APBB1IP: variants seen among roughly 807,000 people sequenced by gnomAD.
APBB1IP encodes amyloid beta A4 precursor protein-binding family B member 1-interacting protein.
APBB1IP carries 27 observed loss-of-function variants against 64.9 expected under a neutral mutation model. That is an observed-to-expected ratio of 0.42 (90% CI 0.31 to 0.57). The LOEUF (loss-of-function observed/expected upper bound fraction) is 0.57. APBB1IP is among the 20% of genes least tolerant of loss of function. The probability of loss-of-function intolerance (pLI) is 0.20; values close to 1 mark genes in which losing one functional copy is unlikely to be tolerated. For synonymous variants in APBB1IP, 392 were observed against 331.0 expected (o/e 1.18, Z -2.00); for missense variants, 812 against 845.5 (o/e 0.96, Z 0.49).
At chr10:26,471,500 G>T (rs970974654) in intron 2 of APBB1IP, among the ~76,000 whole-genome samples, 3 of 152,126 alleles carry the variant, frequency 2.0e-5, no homozygotes, top group Non-Finnish European at 2.9e-5. Flanking sequence ...TGCAGGAAAA[G>T]AATTAAAACT....
chr10:26,445,188 G>T (rs1028963052), intron 2 of APBB1IP, among the ~76,000 whole-genome samples: 1 of 136,032 alleles, frequency 7.4e-6, no homozygotes, highest in Admixed American at 7.4e-5. Context: ...AAGAAAGAAA[G>T]AAAGAAAAGG....
chr10:26,442,540 G>T (rs1288753158), intron 2 of APBB1IP, among the ~76,000 whole-genome samples: 1 of 152,168 alleles, frequency 6.6e-6, no homozygotes, highest in African/African-American at 2.4e-5. Context: ...TCCCCAAACC[G>T]ACTGGAGGGT....
intron 8 of APBB1IP, among the ~76,000 whole-genome samples, chr10:26,516,563 T>TAAAAAAAAAAAAAAAAAAAA (rs1198670517): frequency 1.3e-3 from 67 of 53,194 alleles, no homozygotes; most frequent in East Asian, 4.4e-3. Context: ...AAAAAAAAAG[T>TAAAAAAAAAAAAAAAAAAAA]AAAGCGGAAA....
At chr10:26,462,013 T>G (rs137894165) in intron 2 of APBB1IP, among the ~76,000 whole-genome samples, 2 of 152,336 alleles carry the variant, frequency 1.3e-5, no homozygotes, top group Admixed American at 6.5e-5. Context: ...TTTTGCTAAC[T>G]TTGTCTTTTC....
chr10:26,522,551 T>C (rs908180831), intron 8 of APBB1IP, among the ~76,000 whole-genome samples: 1 of 152,198 alleles, frequency 6.6e-6, no homozygotes, highest in African/African-American at 2.4e-5. Context: ...TGAAAAGTCT[T>C]TTATTATTCT....
chr10:26,491,060 C>T (rs1030752122), intron 2 of APBB1IP, among the ~76,000 whole-genome samples: 2 of 152,138 alleles, frequency 1.3e-5, no homozygotes, highest in African/African-American at 4.8e-5. Context: ...GAGTGGATCA[C>T]CTGAGGTCAG....
intron 8 of APBB1IP, among the ~76,000 whole-genome samples, chr10:26,515,125 C>T (rs904694037): frequency 2.6e-5 from 4 of 151,652 alleles, no homozygotes; most frequent in Admixed American, 6.6e-5. Flanking sequence ...TCGTGATCCG[C>T]CCGCCTTGGC....
At chr10:26,476,842 C>T (rs536699200) in intron 2 of APBB1IP, among the ~76,000 whole-genome samples, 2 of 152,076 alleles carry the variant, frequency 1.3e-5, no homozygotes, top group African/African-American at 4.8e-5. Context: ...GCTCTGTCAC[C>T]CAGGCTGGAG....
chr10:26,541,531 ATTG>A, intron 10 of APBB1IP, 48 bp from the exon 11 acceptor site: 1 of 1,243,572 alleles, frequency 8.0e-7, no homozygotes. Context: ...ACTCTGGAAA[ATTG>A]TTAACTGTCA....
intron 11 of APBB1IP, among the ~76,000 whole-genome samples, chr10:26,551,967 A>C (rs1025467517): frequency 2.7e-5 from 4 of 149,684 alleles, no homozygotes; most frequent in Admixed American, 6.7e-5. Context: ...GGATGGATGG[A>C]ATACAGATCA....
chr10:26,545,889 T>C (rs1044275327), intron 11 of APBB1IP, among the ~76,000 whole-genome samples: 4 of 152,070 alleles, frequency 2.6e-5, no homozygotes, highest in African/African-American at 9.7e-5. Flanking sequence ...AGGTGGAGGT[T>C]GCAGTGAGCC....
intron 8 of APBB1IP, among the ~76,000 whole-genome samples, chr10:26,528,606 T>C (rs973890409): frequency 2.6e-5 from 4 of 152,172 alleles, no homozygotes; most frequent in African/African-American, 7.2e-5. Flanking sequence ...GATCGATCTG[T>C]ATTTATCTTC....
rs1228346106 is a variant in APBB1IP at position 26,477,165 on chromosome 10, C to G, written c.1-15162C>G. Among the ~76,000 whole-genome samples, 4 of 152,158 alleles carry G rather than the reference C, an allele frequency of 2.6e-5. No homozygotes were observed. In the East Asian group the frequency reaches 5.8e-4, roughly 22 times the overall value. On this transcript the variant is annotated intron_variant, in intron 2 of 14. Coordinates refer to ENST00000376236, the MANE Select transcript of APBB1IP (RefSeq NM_019043.4). ...AGAATATTCCTCAGTTTGGATTTAG[C>G]TGATCAATTCATCTTGATTTTGGTA...
chr10:26,560,328 G>T (rs1836951039), intron 12 of APBB1IP, 125 bp downstream of exon 12: 1 of 846,922 alleles, frequency 1.2e-6, no homozygotes, highest in Non-Finnish European at 1.9e-6. Context: ...ACATTATCAG[G>T]TTTATTCGCC....
intron 6 of APBB1IP, among the ~76,000 whole-genome samples, chr10:26,510,431 G>A (rs926721473): frequency 1.2e-4 from 19 of 152,110 alleles, no homozygotes; most frequent in Admixed American, 3.9e-4. Context: ...TTTTGAAAAT[G>A]GAATAAAAAG....
intron 11 of APBB1IP, among the ~76,000 whole-genome samples, chr10:26,550,335 T>G (rs1452666807): frequency 6.6e-6 from 1 of 152,142 alleles, no homozygotes; most frequent in Non-Finnish European, 1.5e-5. Context: ...TTTATTTGAA[T>G]AAGCTTTCTA....
chr10:26,518,628 G>T (rs936179234), intron 8 of APBB1IP, among the ~76,000 whole-genome samples: 4 of 152,188 alleles, frequency 2.6e-5, no homozygotes, highest in Non-Finnish European at 4.4e-5. Flanking sequence ...GTTTGTAGTG[G>T]CATCTTCTGT....
chr10:26,517,683 C>T (rs992566932), intron 8 of APBB1IP, among the ~76,000 whole-genome samples: 1 of 152,220 alleles, frequency 6.6e-6, no homozygotes, highest in Non-Finnish European at 1.5e-5. Context: ...TGCTTTGGCT[C>T]AACTCTCATT....
intron 10 of APBB1IP, among the ~76,000 whole-genome samples, chr10:26,538,108 G>A (rs564286694): frequency 3.7e-4 from 56 of 152,174 alleles, no homozygotes; most frequent in African/African-American, 1.3e-3. Flanking sequence ...TGTCTATCCA[G>A]CAATATGAGA....
Sources: gnomAD v4.1 joint callset for allele counts (sites outside exome capture counted in the v4.1 genomes callset) on GRCh38, gnomAD v4.1.1 for gene constraint, MANE v1.5 for transcripts, NCBI Gene and HGNC (gene_info 2026-07-23, HGNC 2026-07-21) for gene names.